The following ADCY10 variants were observed in gnomAD, a reference collection of about 807,000 sequenced individuals.
ADCY10 encodes the protein adenylate cyclase type 10.
Under a neutral mutation model 183.3 loss-of-function variants are expected in ADCY10, and 156 were observed. The ratio of observed to expected loss-of-function variants is 0.85; its 90% CI spans 0.75 to 0.97. The LOEUF (loss-of-function observed/expected upper bound fraction) is 0.97. Among genes scored for constraint, ADCY10 ranks in the 50% least tolerant of loss-of-function variants. The pLI is 0.00. For synonymous variants in ADCY10, 645 were observed against 670.0 expected, an observed-to-expected ratio of 0.96 and a Z score of 0.58; for missense variants, 1,745 against 1,934.3, an observed-to-expected ratio of 0.90 and a Z score of 1.84.
At chr1:167,876,279 C>A (rs1667467045) in intron 12 of ADCY10, among the ~76,000 whole-genome samples, 1 of 146,346 alleles carries the variant, frequency 6.8e-6, no homozygotes. Flanking sequence ...AAAAAAAGTA[C>A]TACTCTTATG....
intron 14 of ADCY10, among the ~76,000 whole-genome samples, chr1:167,862,567 T>G (rs1666361027): frequency 6.6e-6 from 1 of 152,218 alleles, no homozygotes; most frequent in Non-Finnish European, 1.5e-5. Context: ...GACAAATTTC[T>G]GTTGTAAGCC....
At chr1:167,866,119 G>T (rs1666663202) in intron 14 of ADCY10, among the ~76,000 whole-genome samples, 2 of 152,208 alleles carry the variant, frequency 1.3e-5, no homozygotes, top group Non-Finnish European at 1.5e-5. Flanking sequence ...AAGCGGATGT[G>T]TGGTGGTATT....
chr1:167,904,928 G>C (rs1669710540), intron 2 of ADCY10, 65 bp downstream of exon 2: 1 of 1,608,974 alleles, frequency 6.2e-7, no homozygotes, highest in African/African-American at 1.3e-5. Context: ...ATCAAGCTCT[G>C]CATGTGAATT....
chr1:167,884,326 G>A (rs929013090), intron 8 of ADCY10, among the ~76,000 whole-genome samples: 5 of 152,124 alleles, frequency 3.3e-5, no homozygotes, highest in African/African-American at 1.2e-4. Context: ...ATGGCCAGAG[G>A]AGAGCAGGGG....
At chr1:167,832,864 C>G (rs1663854801) in intron 25 of ADCY10, 123 bp downstream of exon 25, 1 of 1,020,244 alleles carries the variant, frequency 9.8e-7, no homozygotes, top group Non-Finnish European at 1.5e-6. Context: ...AGTGAATGGT[C>G]AGAGCCAAAC....
chr1:167,872,550 G>A (rs1470322798), intron 13 of ADCY10, among the ~76,000 whole-genome samples: 1 of 151,714 alleles, frequency 6.6e-6, no homozygotes, highest in Non-Finnish European at 1.5e-5. Flanking sequence ...GGGGACTGTT[G>A]TATGCAGTTT....
chr1:167,828,247 C>A (rs1663460541), intron 26 of ADCY10, among the ~76,000 whole-genome samples: 1 of 152,176 alleles, frequency 6.6e-6, no homozygotes, highest in African/African-American at 2.4e-5. Flanking sequence ...TGTTACTAGA[C>A]AAGTTTTGTA....
At chr1:167,839,078 C>A (rs371108622) in intron 21 of ADCY10, among the ~76,000 whole-genome samples, 8 of 152,236 alleles carry the variant, frequency 5.3e-5, no homozygotes, top group African/African-American at 1.9e-4. Context: ...CTGCAAAAAA[C>A]TAATCTCCCT....
intron 21 of ADCY10, among the ~76,000 whole-genome samples, chr1:167,843,531 T>G (rs558471192): frequency 2.0e-4 from 31 of 152,214 alleles, no homozygotes; most frequent in Non-Finnish European, 3.8e-4. Context: ...GCAGCGCATC[T>G]TCTCGGTGCT....
At chr1:167,828,797 A>C (rs765441709) in intron 26 of ADCY10, among the ~76,000 whole-genome samples, 9 of 152,260 alleles carry the variant, frequency 5.9e-5, no homozygotes, top group Non-Finnish European at 5.9e-5. Context: ...CCCCGTCTCT[A>C]CTAAAAATAC....
chr1:167,874,606 T>C (rs1255705807), intron 13 of ADCY10, among the ~76,000 whole-genome samples: 1 of 148,022 alleles, frequency 6.8e-6, no homozygotes, highest in Non-Finnish European at 1.5e-5. Context: ...TCCTACGTTT[T>C]ACTCCTACCT....
intron 19 of ADCY10, 107 bp downstream of exon 19, chr1:167,848,254 T>C (rs1571293930): frequency 2.3e-6 from 2 of 875,524 alleles, no homozygotes; most frequent in South Asian, 1.4e-5. Flanking sequence ...TTTCACCATA[T>C]TGGCCAGGCT....
chr1:167,856,484 A>G (rs932887411), intron 16 of ADCY10, 45 bp from the exon 17 acceptor site: 15 of 1,608,642 alleles, frequency 9.3e-6, no homozygotes, highest in Non-Finnish European at 1.3e-5. Context: ...ATAGGACGTC[A>G]GGTTTTTTTA....
chr1:167,841,787 T>C (rs1192992724), intron 21 of ADCY10, among the ~76,000 whole-genome samples: 1 of 152,188 alleles, frequency 6.6e-6, no homozygotes, highest in African/African-American at 2.4e-5. Context: ...ACTTCTTTAT[T>C]ATGTTTTTGT....
intron 30 of ADCY10, chr1:167,820,336 G>T: frequency 2.2e-6 from 2 of 909,504 alleles, no homozygotes; most frequent in Non-Finnish European, 3.2e-6. Context: ...CTTGAGGGGC[G>T]GGGCCGGCCA....
chr1:167,882,798 T>C (rs1667960711), intron 9 of ADCY10, among the ~76,000 whole-genome samples: 1 of 152,166 alleles, frequency 6.6e-6, no homozygotes, highest in South Asian at 2.1e-4. Context: ...TCCCCCTTAC[T>C]AGCTTGATGA....
rs1007982427 is a variant in ADCY10 at position 167,824,585 on chromosome 1, C to G, written c.3956-13G>C. The G allele has an allele frequency of 1.9e-6, 3 of 1,614,088 alleles. No homozygotes were observed. The African/African-American group carries it at 4.0e-5, about 22-fold the overall frequency. On this transcript the variant is annotated splice_polypyrimidine_tract_variant and intron_variant, in intron 27 of 32. Transcript: ENST00000367851. The stretch of plus-strand genomic sequence containing the variant: ...AGGGCTCGGGAGCCTGGGAAGAAAA[C>G]AATTCCAGTATATTGTGGGGCATTC...
intron 14 of ADCY10, among the ~76,000 whole-genome samples, chr1:167,868,736 A>G (rs203818): frequency 0.43 from 65,695 of 152,140 alleles, 17,695 homozygotes; most frequent in African/African-American, 0.76. Context: ...AAAGCGAAAC[A>G]TAGCCATAGA....
intron 31 of ADCY10, among the ~76,000 whole-genome samples, chr1:167,811,679 C>A (rs1296413270): frequency 6.6e-6 from 1 of 152,160 alleles, no homozygotes; most frequent in African/African-American, 2.4e-5. Context: ...CAAACTGCTG[C>A]CCCTAAGACT....
Sources: allele counts gnomAD v4.1 joint callset (sites outside exome capture counted in the v4.1 genomes callset), GRCh38; gene constraint gnomAD v4.1.1; transcripts MANE v1.5; gene names NCBI Gene and HGNC (gene_info 2026-07-23, HGNC 2026-07-21).